The following GGNBP2 variants were observed in gnomAD, a reference collection of about 807,000 sequenced individuals.
The protein encoded by GGNBP2 is gametogenetin binding protein 2.
A neutral mutation model predicts 85.9 loss-of-function variants in GGNBP2; 10 were observed. The observed-to-expected ratio is 0.12, with a 90% CI of 0.07 to 0.20. GGNBP2 has a LOEUF of 0.20. Ranked by LOEUF, GGNBP2 falls within the 10% of genes least tolerant of loss-of-function variation. GGNBP2 has a pLI of 1.00. For missense variants in GGNBP2, 595 were observed against 857.8 expected (o/e 0.69, Z 3.83); for synonymous variants, 287 against 285.7 (o/e 1.00, Z -0.05).
chr17:36,567,708 G>A lies in GGNBP2; in HGVS notation c.573G>A (p.Arg191=). ...DVWELMSQEC[R]DEVVLIDSSC... ...GGGAACTAATGTCGCAGGAATGCAG[G>A]GATGAAGTAGTTTTAATTGACTCGA... The change falls in exon 6 of 14, where the codon AGG becomes AGA. Residue 191 remains arginine (R), a synonymous_variant. Transcript: ENST00000613102. 2 of 1,609,532 alleles carry A rather than the reference G, an allele frequency of 1.2e-6. No homozygotes were observed. Among genetic ancestry groups the A allele is most frequent in the Non-Finnish European group, 1.7e-6 (2 of 1,176,336 alleles).
Position 36,587,308 on chromosome 17 carries a change from G to T in GGNBP2, c.1890+63G>T, listed in dbSNP as rs538965059. The T allele has an allele frequency of 6.6e-4, 1,022 of 1,552,212 alleles. 1 individual carries two copies. Among genetic ancestry groups the T allele is most frequent in the Admixed American group, 1.1e-3 (68 of 59,564 alleles). ...TGGGAACGGGGTGGATGTGGGAGGG[G>T]ATAGTATTTGAGGGCTTAAGGTAGG... On this transcript the variant is annotated intron_variant, in intron 13 of 13. Coordinates refer to ENST00000613102, the MANE Select transcript of GGNBP2 (RefSeq NM_024835.5).
chr17:36,580,412 TGTTA>T (rs2074636348), intron 8 of GGNBP2, among the ~76,000 whole-genome samples: 1 of 151,468 alleles, frequency 6.6e-6, no homozygotes, highest in African/African-American at 2.4e-5. Flanking sequence ...GGTTTCACCA[TGTTA>T]GTTAGGATGG....
intron 3 of GGNBP2, among the ~76,000 whole-genome samples, chr17:36,556,332 G>A (rs2074360600): frequency 6.6e-6 from 1 of 152,196 alleles, no homozygotes; most frequent in Admixed American, 6.5e-5. Flanking sequence ...TGCTCCATAT[G>A]ATTACCATCC....
At chr17:36,558,461 T>G (rs2074385213) in intron 4 of GGNBP2, among the ~76,000 whole-genome samples, 1 of 148,634 alleles carries the variant, frequency 6.7e-6, no homozygotes. Flanking sequence ...TCCAGTCATA[T>G]TTTTATTTTT....
chr17:36,553,021 CAA>C (rs56946600), intron 2 of GGNBP2, among the ~76,000 whole-genome samples: 25 of 76,232 alleles, frequency 3.3e-4, no homozygotes, highest in African/African-American at 8.1e-4. Flanking sequence ...GACTCTGTCT[CAA>C]AAAAAAAAAA....
intron 5 of GGNBP2, among the ~76,000 whole-genome samples, chr17:36,561,815 G>C (rs1294851695): frequency 6.6e-6 from 1 of 151,972 alleles, no homozygotes. Context: ...GGTAGAGACA[G>C]GGTTTCACCG....
intron 12 of GGNBP2, chr17:36,586,482 CATATT>C (rs1410251485): frequency 1.3e-5 from 5 of 398,158 alleles, no homozygotes; most frequent in East Asian, 4.7e-5. Context: ...TAGTCCCTAT[CATATT>C]AGGTTCTATG....
intron 10 of GGNBP2, 96 bp downstream of exon 10, chr17:36,585,546 T>C: frequency 2.4e-6 from 2 of 847,712 alleles, no homozygotes; most frequent in Admixed American, 5.4e-5. Flanking sequence ...GCTAGAATTT[T>C]AAAACTGCTT....
Position 36,545,974 on chromosome 17 carries a change from A to G in GGNBP2, c.93+157A>G, listed in dbSNP as rs1196986868. ...GCAGGCCCCACAAACTCGCCTTTGC[A>G]GTGGGTGGCTCGGTAACCTCTGTCG... On this transcript the variant is annotated intron_variant, in intron 2 of 13. Transcript: ENST00000613102. 10 of 578,976 alleles carry G rather than the reference A, an allele frequency of 1.7e-5. No individual in the cohort carries two copies. In the Admixed American group the frequency reaches 1.8e-4, roughly 11 times the overall value. The allele number at this position is 578,976 out of a possible 1,614,324, so 35.9% of individuals were successfully genotyped here. A position where few individuals can be genotyped will look rare whatever the true frequency, so the allele number is the denominator to read the frequency against.
At chr17:36,582,867 A>G (rs1005947889) in intron 9 of GGNBP2, among the ~76,000 whole-genome samples, 1 of 152,188 alleles carries the variant, frequency 6.6e-6, no homozygotes, top group Non-Finnish European at 1.5e-5. Context: ...TATGTGGGTT[A>G]TACTTACCAA....
chr17:36,552,562 G>A (rs1458073257), intron 2 of GGNBP2, among the ~76,000 whole-genome samples: 2 of 152,142 alleles, frequency 1.3e-5, no homozygotes, highest in African/African-American at 2.4e-5. Context: ...TACACATGAA[G>A]TGTCTTTATT....
intron 7 of GGNBP2, 121 bp from the exon 8 acceptor site, chr17:36,579,124 A>T: frequency 2.7e-6 from 2 of 750,312 alleles, no homozygotes; most frequent in Non-Finnish European, 4.5e-6. Context: ...TTGAGTGTAA[A>T]TGTATAACTG....
chr17:36,588,141 T>C (rs2074721144), intron 13 of GGNBP2, among the ~76,000 whole-genome samples: 1 of 152,234 alleles, frequency 6.6e-6, no homozygotes, highest in Non-Finnish European at 1.5e-5. Flanking sequence ...ACTTTTTACC[T>C]GATCCCCAAC....
intron 6 of GGNBP2, among the ~76,000 whole-genome samples, chr17:36,570,122 A>T (rs1421809010): frequency 1.3e-5 from 2 of 152,210 alleles, no homozygotes; most frequent in Non-Finnish European, 2.9e-5. Flanking sequence ...TCACAACTGT[A>T]GTTCCAGCAC....
chr17:36,551,464 A>G, intron 2 of GGNBP2, among the ~76,000 whole-genome samples: 1 of 151,800 alleles, frequency 6.6e-6, no homozygotes, highest in African/African-American at 2.4e-5. Flanking sequence ...TGGGCCTCCC[A>G]AAGTGCTGGG....
chr17:36,558,761 C>CTT (rs79491251), intron 4 of GGNBP2, among the ~76,000 whole-genome samples: 4 of 148,484 alleles, frequency 2.7e-5, no homozygotes, highest in East Asian at 2.0e-4. Context: ...TGGCTGAGGT[C>CTT]TTTTTTTTTT....
intron 5 of GGNBP2, among the ~76,000 whole-genome samples, chr17:36,567,327 T>C (rs538084726): frequency 6.6e-6 from 1 of 152,330 alleles, no homozygotes; most frequent in East Asian, 1.9e-4. Context: ...TGTAATCATA[T>C]AATTTGTAAA....
At chr17:36,550,680 C>A (rs1324123212) in intron 2 of GGNBP2, among the ~76,000 whole-genome samples, 1 of 152,124 alleles carries the variant, frequency 6.6e-6, no homozygotes, top group African/African-American at 2.4e-5. Context: ...GTAATTGATT[C>A]AATAAACTTT....
At chr17:36,581,307 T>C (rs1300046728) in intron 8 of GGNBP2, 37 bp from the exon 9 acceptor site, 2 of 1,367,654 alleles carry the variant, frequency 1.5e-6, no homozygotes, top group Non-Finnish European at 2.0e-6. Flanking sequence ...AAAGAAGTTC[T>C]GACCAATATT....
Sources: allele counts gnomAD v4.1 joint callset (sites outside exome capture counted in the v4.1 genomes callset), GRCh38; gene constraint gnomAD v4.1.1; transcripts MANE v1.5; gene names NCBI Gene and HGNC (gene_info 2026-07-23, HGNC 2026-07-21).